Variants in LAT observed in about 807,000 individuals in gnomAD.
LAT encodes the protein linker for activation of T cells.
A neutral mutation model predicts 39.1 loss-of-function variants in LAT; 12 were observed. The observed-to-expected ratio is 0.31, with a 90% CI of 0.20 to 0.50. The LOEUF is 0.50. LAT is among the 20% of genes least tolerant of loss of function. The probability of loss-of-function intolerance (pLI) is 0.98; values close to 1 mark genes in which losing one functional copy is unlikely to be tolerated. For synonymous variants in LAT, 117 were observed against 123.8 expected (o/e 0.95, Z 0.36); for missense variants, 253 against 308.0 (o/e 0.82, Z 1.34).
At position 28,985,287 on chromosome 16, in the gene LAT, C is replaced by T; in HGVS notation, c.-131C>T. ...GGGCACAGCTGCCTCCTCCCGGGCTCCCCTGCCACCTGGTGCCTACCTGCC... is the reference window on the plus strand; with the variant it reads ...GGGCACAGCTGCCTCCTCCCGGGCTTCCCTGCCACCTGGTGCCTACCTGCC... On this transcript the variant is annotated 5_prime_UTR_variant, in exon 1 of 12. Transcript: ENST00000395456. The surrounding 1 kb of genome is among the most constrained non-coding windows in gnomAD (Gnocchi z 4.6). The T allele has an allele frequency of 6.8e-7, 1 of 1,477,562 alleles. No homozygotes were observed. Among genetic ancestry groups the T allele is most frequent in the Middle Eastern group, 2.5e-4 (1 of 3,996 alleles). 91.5% of individuals were successfully genotyped at this position (1,477,562 alleles called of 1,614,324 possible). A position where few individuals can be genotyped will look rare whatever the true frequency, so the allele number is the denominator to read the frequency against.
Position 28,990,189 on chromosome 16 carries a change from T to C in LAT, c.*8T>C. 1.4e-6 allele frequency: 1 copy of C among 719,938 alleles called. No individual in the cohort carries two copies. Among genetic ancestry groups the C allele is most frequent in the Non-Finnish European group, 2.5e-6 (1 of 401,748 alleles). 44.6% of individuals were successfully genotyped at this position (719,938 alleles called of 1,614,324 possible). A position where few individuals can be genotyped will look rare whatever the true frequency, so the allele number is the denominator to read the frequency against. On this transcript the variant is annotated splice_region_variant and 3_prime_UTR_variant, in exon 12 of 12. Transcript: ENST00000395456. ...CCCTCCCTGCCCTGGTGTGTTTCAGTGGAGGCCGAGTCTGTCCTGGAACCA... is the reference window on the plus strand; with the variant it reads ...CCCTCCCTGCCCTGGTGTGTTTCAGCGGAGGCCGAGTCTGTCCTGGAACCA...
In LAT at chr16:28,986,361, C is replaced by A. The variant is rs1965752154; in HGVS notation, c.246-21C>A. The A allele has an allele frequency of 6.2e-7, 1 of 1,613,280 alleles. No individual in the cohort carries two copies. Among genetic ancestry groups the A allele is most frequent in the Non-Finnish European group, 8.5e-7 (1 of 1,179,818 alleles). On this transcript the variant is annotated intron_variant, in intron 4 of 11. Transcript: ENST00000395456. This position sits in a 1 kb window ranked among gnomAD's most constrained non-coding sequence, Gnocchi z 5.7. Reference sequence around the variant, plus strand: ...CCCCTGAGCCCCACCTCAGGCATGACCCCTGACCTTTGACTCCCAGAAGAT... The same window carrying A: ...CCCCTGAGCCCCACCTCAGGCATGAACCCTGACCTTTGACTCCCAGAAGAT...
rs1331516947 is a variant in LAT at position 28,985,169 on chromosome 16, G to C, written c.-249G>C. 2 of 1,429,524 alleles carry C rather than the reference G, an allele frequency of 1.4e-6. No individual in the cohort carries two copies. The highest frequency in any genetic ancestry group is 1.8e-6 in the Non-Finnish European group (2 of 1,096,576). 88.6% of individuals were successfully genotyped at this position (1,429,524 alleles called of 1,614,324 possible). On this transcript the variant is annotated 5_prime_UTR_variant, in exon 1 of 12. Coordinates refer to ENST00000395456, the MANE Select transcript of LAT (RefSeq NM_001014987.2). This position sits in a 1 kb window ranked among gnomAD's most constrained non-coding sequence, Gnocchi z 4.6. ...TCCCCCGACTTCAGCCCAGGCCCTG[G>C]TCTGACCACCCTGGGAGCAGGGACT...
chr16:28,985,444 C>G lies in LAT; in HGVS notation c.27C>G (p.Cys9Trp). Residue 9 changes from cysteine (C) to tryptophan (W), a missense_variant, in exon 1 of 12, where the codon TGC becomes TGG. By Grantham distance (215) the Cys-to-Trp change is radical (BLOSUM62 -2). Coordinates refer to ENST00000395456, the MANE Select transcript of LAT (RefSeq NM_001014987.2). This position sits in a 1 kb window ranked among gnomAD's most constrained non-coding sequence, Gnocchi z 4.6. MEEAILVPCVLGLLLLPIL... is the reference protein window; with the variant it reads MEEAILVPWVLGLLLLPIL... The stretch of plus-strand genomic sequence containing the variant: ...TGGAGGAGGCCATCCTGGTCCCCTG[C>G]GTGCTGGGGCTCCTGCTGCTGCCCA... The G allele has an allele frequency of 1.9e-6, 3 of 1,613,756 alleles. No individual in the cohort carries two copies. Among genetic ancestry groups the G allele is most frequent in the Non-Finnish European group, 2.5e-6 (3 of 1,179,924 alleles).
At chr16:28,989,271 C>T (rs887621651) in intron 8 of LAT, 5 of 490,018 alleles carry the variant, frequency 1.0e-5, no homozygotes, top group African/African-American at 9.7e-5. Flanking sequence ...TCTCCTCAGT[C>T]CCAGTCAAGT....
Position 28,985,999 on chromosome 16 carries a change from C to A in LAT, c.163+111C>A, listed in dbSNP as rs780401656. On this transcript the variant is annotated intron_variant, in intron 3 of 11. Coordinates refer to ENST00000395456, the MANE Select transcript of LAT (RefSeq NM_001014987.2). This position sits in a 1 kb window ranked among gnomAD's most constrained non-coding sequence, Gnocchi z 4.6. ...TGCCACCTTGGGGCTGCCCACATGGCCTTGACCTGAGCTGGGAGAGGGGAG... is the reference window on the plus strand; with the variant it reads ...TGCCACCTTGGGGCTGCCCACATGGACTTGACCTGAGCTGGGAGAGGGGAG... The A allele has an allele frequency of 4.2e-6, 6 of 1,443,788 alleles. No homozygotes were observed. Among genetic ancestry groups the A allele is most frequent in the Admixed American group, 1.7e-5 (1 of 59,540 alleles). The allele number at this position is 1,443,788 out of a possible 1,614,324, so 89.4% of individuals were successfully genotyped here.
intron 8 of LAT, chr16:28,989,272 C>G: frequency 2.0e-6 from 1 of 490,416 alleles, no homozygotes; most frequent in Non-Finnish European, 3.6e-6. Context: ...CTCCTCAGTC[C>G]CAGTCAAGTG....
At chr16:28,988,821 A>C (rs1467176105) in intron 8 of LAT, 1 of 152,290 alleles carries the variant, frequency 6.6e-6, no homozygotes, top group Non-Finnish European at 1.5e-5. Flanking sequence ...ACTTGAACCC[A>C]GGAGTTCAAG....
rs2141689247 is a variant in LAT, at chr16:28,989,793, G to C, written c.576G>C (p.Val192=). The change falls in exon 10 of 12, where the codon GTG becomes GTC. Residue 192 remains valine (V), a synonymous_variant. Coordinates refer to ENST00000395456, the MANE Select transcript of LAT (RefSeq NM_001014987.2). Reference sequence around the variant, plus strand: ...CCACAGATGGCAGCCGGGAGTATGTGAATGTGTCCCAGGAACTGCATCCTG... The same window carrying C: ...CCACAGATGGCAGCCGGGAGTATGTCAATGTGTCCCAGGAACTGCATCCTG... ...EASLDGSREY[V]NVSQELHPGA... 6.2e-7 allele frequency: 1 copy of C among 1,614,158 alleles called. No homozygotes were observed. The highest frequency in any genetic ancestry group is 2.2e-5 in the East Asian group (1 of 44,862).
chr16:28,990,617 T>C lies in LAT; in HGVS notation c.*436T>C, dbSNP rs2141690223. 1 of 221,354 alleles carries C rather than the reference T, an allele frequency of 4.5e-6. No individual in the cohort carries two copies. The highest frequency in any genetic ancestry group is 5.8e-5 in the South Asian group (1 of 17,116). The allele number at this position is 221,354 out of a possible 1,614,324, so 13.7% of individuals were successfully genotyped here. A position where few individuals can be genotyped will look rare whatever the true frequency, so the allele number is the denominator to read the frequency against. ...GCCTTCTGACCTGGGCTGGCACTGC[T>C]GGGGGTGAGGACACATTGCCCCATG... is the stretch of plus-strand genomic sequence containing the variant. On this transcript the variant is annotated 3_prime_UTR_variant, in exon 12 of 12. Coordinates refer to ENST00000395456, the MANE Select transcript of LAT (RefSeq NM_001014987.2).
In LAT at chr16:28,986,018, A is replaced by G; in HGVS notation, c.164-117A>G. ...ACATGGCCTTGACCTGAGCTGGGAGAGGGGAGATGGCTCCCCCAGGCCTGT... is the reference window on the plus strand; with the variant it reads ...ACATGGCCTTGACCTGAGCTGGGAGGGGGGAGATGGCTCCCCCAGGCCTGT... On this transcript the variant is annotated intron_variant, in intron 3 of 11. Coordinates refer to ENST00000395456, the MANE Select transcript of LAT (RefSeq NM_001014987.2). This position sits in a 1 kb window ranked among gnomAD's most constrained non-coding sequence, Gnocchi z 5.7. The G allele has an allele frequency of 7.2e-7, 1 of 1,392,318 alleles. No homozygotes were observed. Among genetic ancestry groups the G allele is most frequent in the Non-Finnish European group, 1.0e-6 (1 of 981,172 alleles). The allele number at this position is 1,392,318 out of a possible 1,614,324, so 86.2% of individuals were successfully genotyped here.
chr16:28,984,910 G>C (rs1051502381), upstream of LAT: 1 of 1,547,192 alleles, frequency 6.5e-7, no homozygotes, highest in Non-Finnish European at 8.7e-7. Flanking sequence ...CGTCTTGGGG[G>C]GGGCCAGCAG....
At chr16:28,990,113 TC>T (rs1298732195) in intron 11 of LAT, 75 bp from the exon 12 acceptor site, 2 of 1,032,416 alleles carry the variant, frequency 1.9e-6, no homozygotes, top group African/African-American at 3.2e-5. Context: ...CTCTGGCTTG[TC>T]CCTCTGTCTC....
Position 28,986,909 on chromosome 16 carries a change from GTT to G in LAT, c.493+20_493+21del. The G allele has an allele frequency of 6.2e-7, 1 of 1,609,462 alleles. No homozygotes were observed. Among genetic ancestry groups the G allele is most frequent in the East Asian group, 2.2e-5 (1 of 44,816 alleles). ...GCCTTCTCCAGTGAGTCAGGCATTT[GTT>G]TTTATTTTTAAATTTTTTTAGGGAT... On this transcript the variant is annotated intron_variant, in intron 8 of 11. Transcript: ENST00000395456. This position sits in a 1 kb window ranked among gnomAD's most constrained non-coding sequence, Gnocchi z 5.7.
chr16:28,986,283 C>T lies in LAT; in HGVS notation c.245+67C>T. 6.4e-7 allele frequency: 1 copy of T among 1,556,754 alleles called. No homozygotes were observed. The highest frequency in any genetic ancestry group is 8.8e-7 in the Non-Finnish European group (1 of 1,134,810). Reference sequence around the variant, plus strand: ...CTCCCCCTCCAAACTCCACTCTCTACCCCTTCACTTTTTTGGATTGGGGGC... The same window carrying T: ...CTCCCCCTCCAAACTCCACTCTCTATCCCTTCACTTTTTTGGATTGGGGGC... On this transcript the variant is annotated intron_variant, in intron 4 of 11. Coordinates refer to ENST00000395456, the MANE Select transcript of LAT (RefSeq NM_001014987.2). This position sits in a 1 kb window ranked among gnomAD's most constrained non-coding sequence, Gnocchi z 5.7.
At position 28,989,944 on chromosome 16, in the gene LAT, T is replaced by G. The variant is rs372606392; in HGVS notation, c.634T>G (p.Ser212Ala). The change falls in exon 11 of 12, where the codon TCC becomes GCC. Residue 212 changes from serine (S) to alanine (A), a missense_variant. Physicochemically the swap from Ser to Ala is moderately conservative, Grantham distance 99 (BLOSUM62 1). Transcript: ENST00000395456. ...AAKTEPAALS[S>A]QEAEEVEEEG... Reference sequence around the variant, plus strand: ...CCCCTCCCTTACAGCCGCCCTGAGTTCCCAGGAGGCAGAGGAAGTGGAGGA... The same window carrying G: ...CCCCTCCCTTACAGCCGCCCTGAGTGCCCAGGAGGCAGAGGAAGTGGAGGA... The G allele has an allele frequency of 1.3e-5, 21 of 1,613,754 alleles. No individual in the cohort carries two copies. Among genetic ancestry groups the G allele is most frequent in the Non-Finnish European group, 7.6e-6 (9 of 1,179,968 alleles).
In LAT at chr16:28,985,564, G is replaced by A. The variant is rs370561029; in HGVS notation, c.100+47G>A. The stretch of plus-strand genomic sequence containing the variant: ...GTACCCAGGGCCCAGGGACACCGAC[G>A]GGATCCTCATCCACTCCCAGCCCCT... On this transcript the variant is annotated intron_variant, in intron 1 of 11. Transcript: ENST00000395456. This position sits in a 1 kb window ranked among gnomAD's most constrained non-coding sequence, Gnocchi z 4.6. 100 of 1,604,914 alleles carry A rather than the reference G, an allele frequency of 6.2e-5. No individual in the cohort carries two copies. The highest frequency in any genetic ancestry group is 7.8e-5 in the Non-Finnish European group (92 of 1,173,606).
chr16:28,984,928 G>A (rs1240151918), upstream of LAT: 1 of 1,543,272 alleles, frequency 6.5e-7, no homozygotes, highest in African/African-American at 1.4e-5. Flanking sequence ...CAGACCCTTG[G>A]TGAGTGCCTG....
upstream of LAT, chr16:28,984,950 G>A (rs900749678): frequency 1.2e-5 from 18 of 1,517,374 alleles, no homozygotes; most frequent in African/African-American, 6.9e-5. Context: ...GGTGGCTCCC[G>A]GGCCTCCTCC....
Sources: allele counts gnomAD v4.1 joint callset, GRCh38; gene constraint gnomAD v4.1.1; non-coding constraint Gnocchi (gnomAD v3.1); transcripts MANE v1.5; gene names NCBI Gene and HGNC (gene_info 2026-07-23, HGNC 2026-07-21).